Variants in RERE observed in about 807,000 individuals in gnomAD.
RERE encodes the protein arginine-glutamic acid dipeptide repeats, also known as arginine-glutamic acid dipeptide repeats protein.
In RERE, 40 loss-of-function variants were observed where a neutral mutation model predicts 146.1. That is an observed-to-expected ratio of 0.27 (90% confidence interval 0.21 to 0.36). The LOEUF (loss-of-function observed/expected upper bound fraction) is 0.36. Among genes scored for constraint, RERE ranks in the 10% least tolerant of loss-of-function variants. RERE has a pLI of 1.00. For synonymous variants in RERE, 1,003 were observed against 866.0 expected (o/e 1.16, Z -2.78); for missense variants, 1,933 against 2,138.7 (o/e 0.90, Z 1.90).
At chr1:8,400,322 T>C (rs1040025070) in intron 12 of RERE, among the ~76,000 whole-genome samples, 5 of 151,740 alleles carry the variant, frequency 3.3e-5, no homozygotes, top group Non-Finnish European at 5.9e-5. Flanking sequence ...GGTATGATCA[T>C]AGCTCACTAT....
intron 8 of RERE, among the ~76,000 whole-genome samples, chr1:8,504,860 A>C (rs2124283365): frequency 6.6e-6 from 1 of 152,276 alleles, no homozygotes; most frequent in African/African-American, 2.4e-5. Context: ...CTCAAAAAAA[A>C]AAAATAAATG....
chr1:8,550,781 C>T (rs1417127772), intron 6 of RERE, among the ~76,000 whole-genome samples: 1 of 152,186 alleles, frequency 6.6e-6, no homozygotes, highest in East Asian at 1.9e-4. Flanking sequence ...CTCCTGACCT[C>T]AGGTGATCTG....
chr1:8,613,879 T>TA (rs200642125), intron 4 of RERE, among the ~76,000 whole-genome samples: 28 of 152,172 alleles, frequency 1.8e-4, no homozygotes, highest in African/African-American at 5.3e-4. Context: ...TGAACTTTCC[T>TA]AAAAAAAGGG....
intron 12 of RERE, among the ~76,000 whole-genome samples, chr1:8,414,068 A>AAAG (rs1293781410): frequency 4.7e-5 from 7 of 150,368 alleles, no homozygotes; most frequent in Admixed American, 1.3e-4. Flanking sequence ...AAAAAAAAAA[A>AAAG]AAAAAGAAAT....
At position 8,500,328 on chromosome 1, in the gene RERE, G is replaced by A. The variant is rs528980871; in HGVS notation, c.880-2799C>T. 2.6e-5 allele frequency among the ~76,000 whole-genome samples: 4 copies of A among 152,286 alleles called. 1 individual carries two copies. In the East Asian group the frequency reaches 7.7e-4, roughly 29 times the overall value. ...CCCCATTCTTGAGAAAAATGGACTA[G>A]AAATATAATTAGACAGTTTACAGAA... On this transcript the variant is annotated intron_variant, in intron 8 of 22. Coordinates refer to ENST00000400908, the MANE Select transcript of RERE (RefSeq NM_001042681.2).
chr1:8,724,008 G>C (rs1227413341), intron 1 of RERE, among the ~76,000 whole-genome samples: 1 of 149,712 alleles, frequency 6.7e-6, no homozygotes, highest in Non-Finnish European at 1.5e-5. Flanking sequence ...TTGTCAACTT[G>C]TAAATCAAAG....
At chr1:8,532,934 T>C (rs1023875344) in intron 7 of RERE, among the ~76,000 whole-genome samples, 1 of 151,844 alleles carries the variant, frequency 6.6e-6, no homozygotes, top group Admixed American at 6.6e-5. Flanking sequence ...GGTTTCACCA[T>C]ATTGATCAAG....
intron 1 of RERE, among the ~76,000 whole-genome samples, chr1:8,667,638 C>T (rs1557468854): frequency 6.6e-6 from 1 of 152,180 alleles, no homozygotes; most frequent in Non-Finnish European, 1.5e-5. Flanking sequence ...GATGGCGCCA[C>T]TGCACTCCAG....
rs533995577 is a variant in RERE at position 8,364,979 on chromosome 1, G to A, written c.1448-141C>T. The A allele has an allele frequency of 3.0e-6, 2 of 671,468 alleles. No individual in the cohort carries two copies. Among genetic ancestry groups the A allele is most frequent in the African/African-American group, 1.8e-5 (1 of 57,034 alleles). 41.6% of individuals were successfully genotyped at this position (671,468 alleles called of 1,614,324 possible). ...TTCTGGCCACCAGTCAGAGCGGCTG[G>A]GTGCACAGGCTGAGGTAGGACAGTG... On this transcript the variant is annotated intron_variant, in intron 13 of 22. Transcript: ENST00000400908. The surrounding 1 kb of genome is among the most constrained non-coding windows in gnomAD (Gnocchi z 5.1).
chr1:8,600,471 A>G (rs1341630226), intron 4 of RERE, among the ~76,000 whole-genome samples: 1 of 152,236 alleles, frequency 6.6e-6, no homozygotes, highest in East Asian at 1.9e-4. Context: ...ATTGAAAATC[A>G]TAATAATAGC....
At chr1:8,778,737 G>A (rs1430781336) in intron 1 of RERE, among the ~76,000 whole-genome samples, 1 of 152,046 alleles carries the variant, frequency 6.6e-6, no homozygotes, top group Non-Finnish European at 1.5e-5. Context: ...TCGGGAGGCT[G>A]AGGAGGGAGG....
chr1:8,687,747 G>C (rs1188043388), intron 1 of RERE, among the ~76,000 whole-genome samples: 1 of 152,162 alleles, frequency 6.6e-6, no homozygotes, highest in East Asian at 1.9e-4. Flanking sequence ...GTCATTGAAG[G>C]ATTTAATAAC....
At chr1:8,585,965 A>G (rs1424235632) in intron 4 of RERE, among the ~76,000 whole-genome samples, 1 of 152,356 alleles carries the variant, frequency 6.6e-6, no homozygotes, top group African/African-American at 2.4e-5. Context: ...ACTTCCTGAT[A>G]AAAATATCCT....
At chr1:8,366,180 G>A (rs1294868655) in intron 12 of RERE, among the ~76,000 whole-genome samples, 2 of 152,204 alleles carry the variant, frequency 1.3e-5, no homozygotes, top group Non-Finnish European at 2.9e-5. Context: ...AATGGGGCCC[G>A]CCTCCTCAGC....
At chr1:8,698,713 T>C (rs1193514626) in intron 1 of RERE, among the ~76,000 whole-genome samples, 1 of 152,150 alleles carries the variant, frequency 6.6e-6, no homozygotes, top group Non-Finnish European at 1.5e-5. Flanking sequence ...GGTCTCGCTA[T>C]GTTGCCAAGG....
intron 4 of RERE, among the ~76,000 whole-genome samples, chr1:8,572,725 A>G (rs892659228): frequency 5.9e-5 from 9 of 152,204 alleles, no homozygotes; most frequent in African/African-American, 2.2e-4. Flanking sequence ...TTCCATTCCA[A>G]TGGAGGAGAA....
intron 2 of RERE, among the ~76,000 whole-genome samples, chr1:8,646,213 A>G (rs898962870): frequency 1.3e-5 from 2 of 152,132 alleles, no homozygotes. Flanking sequence ...TTTACTCCCA[A>G]TAGCTCAGAA....
chr1:8,717,024 A>G (rs1334536187), intron 1 of RERE, among the ~76,000 whole-genome samples: 1 of 152,214 alleles, frequency 6.6e-6, no homozygotes, highest in Non-Finnish European at 1.5e-5. Flanking sequence ...AATAAATGAT[A>G]TAACAACTCA....
chr1:8,686,233 T>C (rs1178078381), intron 1 of RERE, among the ~76,000 whole-genome samples: 2 of 152,158 alleles, frequency 1.3e-5, no homozygotes, highest in Non-Finnish European at 2.9e-5. Context: ...TCCGCTCGTC[T>C]TGGCCTCTCA....
Sources: allele counts gnomAD v4.1 joint callset (sites outside exome capture counted in the v4.1 genomes callset), GRCh38; gene constraint gnomAD v4.1.1; non-coding constraint Gnocchi (gnomAD v3.1); transcripts MANE v1.5; gene names NCBI Gene and HGNC (gene_info 2026-07-23, HGNC 2026-07-21).